The following VPS50 variants were observed in gnomAD, a reference collection of about 807,000 sequenced individuals.
VPS50 encodes VPS50 subunit of EARP/GARPII complex.
VPS50 carries 70 observed loss-of-function variants against 139.7 expected under a neutral mutation model. The observed-to-expected ratio is 0.50, with a 90% CI of 0.41 to 0.61. VPS50 has a LOEUF of 0.61. Among genes scored for constraint, VPS50 ranks in the 20% least tolerant of loss-of-function variants. VPS50 has a pLI of 0.00. For synonymous variants in VPS50, 365 were observed against 376.7 expected, an observed-to-expected ratio of 0.97 and a Z score of 0.36; for missense variants, 921 against 1,133.7, an observed-to-expected ratio of 0.81 and a Z score of 2.69.
At chr7:93,247,696 T>G (rs1202868845) in intron 2 of VPS50, among the ~76,000 whole-genome samples, 3 of 152,064 alleles carry the variant, frequency 2.0e-5, no homozygotes, top group African/African-American at 4.8e-5. Flanking sequence ...TTTTACTCAT[T>G]TTCGTTCCTG....
chr7:93,358,462 G>T lies in VPS50; in HGVS notation c.*26G>T, dbSNP rs1584505070. ...TGAACACAGCTCTCTTTCCTCAATG[G>T]CATTGATCCTCACTCAACATATATG... On this transcript the variant is annotated 3_prime_UTR_variant, in exon 28 of 28. Coordinates refer to ENST00000305866, the MANE Select transcript of VPS50 (RefSeq NM_017667.4). 1 of 1,600,770 alleles carries T rather than the reference G, an allele frequency of 6.2e-7. No individual in the cohort carries two copies. Among genetic ancestry groups the T allele is most frequent in the East Asian group, 2.2e-5 (1 of 44,720 alleles).
At position 93,359,464 on chromosome 7, in the gene VPS50, C is replaced by G. The variant is rs138716693; in HGVS notation, c.*1028C>G. ...TCTTCAGTAAGTATGTGCTGTTCCT[C>G]TAAACTTTGCCCTGAAGCCAGGGAT... On this transcript the variant is annotated 3_prime_UTR_variant, in exon 28 of 28. Coordinates refer to ENST00000305866, the MANE Select transcript of VPS50 (RefSeq NM_017667.4). 1 of 152,274 alleles carries G rather than the reference C, an allele frequency of 6.6e-6. No homozygotes were observed. Among genetic ancestry groups the G allele is most frequent in the East Asian group, 1.9e-4 (1 of 5,168 alleles). 9.4% of individuals were successfully genotyped at this position (152,274 alleles called of 1,614,324 possible). A position where few individuals can be genotyped will look rare whatever the true frequency, so the allele number is the denominator to read the frequency against.
At chr7:93,306,378 A>T (rs1375111141) in intron 18 of VPS50, among the ~76,000 whole-genome samples, 1 of 151,984 alleles carries the variant, frequency 6.6e-6, no homozygotes, top group African/African-American at 2.4e-5. Flanking sequence ...GACACCCTTT[A>T]TGGGTCACTG....
chr7:93,294,675 T>C (rs1434801836), intron 14 of VPS50, 39 bp downstream of exon 14: 7 of 1,444,044 alleles, frequency 4.8e-6, no homozygotes, highest in Non-Finnish European at 5.7e-6. Context: ...ACAGAAGCAA[T>C]AGAAATGTCA....
intron 12 of VPS50, among the ~76,000 whole-genome samples, chr7:93,284,862 T>C (rs1796437576): frequency 6.6e-6 from 1 of 152,222 alleles, no homozygotes; most frequent in African/African-American, 2.4e-5. Flanking sequence ...TATGCAGTAC[T>C]ACCTCTCTGG....
intron 2 of VPS50, among the ~76,000 whole-genome samples, chr7:93,247,979 T>C (rs1282287387): frequency 6.6e-6 from 1 of 152,058 alleles, no homozygotes; most frequent in Non-Finnish European, 1.5e-5. Context: ...CTTAGTTGAT[T>C]ACCATTGACA....
At chr7:93,342,646 G>GCCT (rs1269587304) in intron 23 of VPS50, among the ~76,000 whole-genome samples, 4 of 152,226 alleles carry the variant, frequency 2.6e-5, no homozygotes, top group Non-Finnish European at 5.9e-5. Context: ...CGGGCAGACT[G>GCCT]CCTCAAGTGG....
chr7:93,255,916 G>A (rs1795470694), intron 4 of VPS50, among the ~76,000 whole-genome samples: 1 of 152,130 alleles, frequency 6.6e-6, no homozygotes, highest in South Asian at 2.1e-4. Flanking sequence ...TGAAATGGTG[G>A]AATTAGAGCC....
chr7:93,283,189 A>T (rs115286772), intron 12 of VPS50, among the ~76,000 whole-genome samples: 2,259 of 151,650 alleles, frequency 0.015, 71 homozygotes, highest in African/African-American at 0.052. Context: ...TTAAGTGTAA[A>T]CCAGTTCACT....
intron 20 of VPS50, among the ~76,000 whole-genome samples, chr7:93,313,360 T>C (rs1797328436): frequency 6.6e-6 from 1 of 152,294 alleles, no homozygotes; most frequent in South Asian, 2.1e-4. Flanking sequence ...TGTTTATATT[T>C]TTTACCTTAC....
intron 23 of VPS50, among the ~76,000 whole-genome samples, chr7:93,342,858 T>C (rs910625052): frequency 1.3e-5 from 2 of 151,780 alleles, no homozygotes; most frequent in Non-Finnish European, 2.9e-5. Context: ...AGACCAAAAG[T>C]AGATAAAACC....
At position 93,303,443 on chromosome 7, in the gene VPS50, C is replaced by T. The variant is rs754732802; in HGVS notation, c.1362-17C>T. The T allele has an allele frequency of 7.6e-7, 1 of 1,315,468 alleles. No homozygotes were observed. Among genetic ancestry groups the T allele is most frequent in the South Asian group, 1.3e-5 (1 of 77,052 alleles). 81.5% of individuals were successfully genotyped at this position (1,315,468 alleles called of 1,614,324 possible). On this transcript the variant is annotated splice_polypyrimidine_tract_variant and intron_variant, in intron 16 of 27. Coordinates refer to ENST00000305866, the MANE Select transcript of VPS50 (RefSeq NM_017667.4). ...TTTTCTTCTCACTTTTTGGAGTGTT[C>T]ATTTTCTTTTTTTAAGAACACGGCT... is the stretch of plus-strand genomic sequence containing the variant.
At chr7:93,285,141 A>T (rs1796445467) in intron 12 of VPS50, among the ~76,000 whole-genome samples, 2 of 152,132 alleles carry the variant, frequency 1.3e-5, no homozygotes, top group East Asian at 1.9e-4. Context: ...TCATCTAAAG[A>T]TACTGATAAC....
chr7:93,241,671 A>G (rs1196925797), intron 2 of VPS50, among the ~76,000 whole-genome samples: 1 of 151,960 alleles, frequency 6.6e-6, no homozygotes. Flanking sequence ...GAGAGTGGCA[A>G]AGCTCCAGTC....
chr7:93,277,524 T>C (rs923863884), intron 12 of VPS50, among the ~76,000 whole-genome samples: 5 of 152,228 alleles, frequency 3.3e-5, no homozygotes, highest in African/African-American at 1.2e-4. Flanking sequence ...TTGTCAAACC[T>C]GCTGGTTATA....
At chr7:93,234,908 T>C (rs1396222959) in intron 1 of VPS50, among the ~76,000 whole-genome samples, 2 of 151,080 alleles carry the variant, frequency 1.3e-5, no homozygotes, top group Non-Finnish European at 2.9e-5. Context: ...CAAATGTTTA[T>C]TGAGCAATTT....
intron 23 of VPS50, among the ~76,000 whole-genome samples, chr7:93,347,078 T>C (rs1341782403): frequency 6.8e-6 from 1 of 147,574 alleles, no homozygotes; most frequent in Non-Finnish European, 1.5e-5. Context: ...CCTACTCATC[T>C]GACAAAGGGC....
In VPS50 at chr7:93,296,816, T is replaced by C. The variant is rs745608027; in HGVS notation, c.1242T>C (p.Phe414=). Residue 414 remains phenylalanine (F), a synonymous_variant, in exon 15 of 28, where the codon TTT becomes TTC. Transcript: ENST00000305866. The part of the protein sequence containing the change: ...LSIFKYDDFI[F]VLDIISRLMQ... ...TATTCAAATATGATGATTTCATCTTTGTTTTGGATATAATCAGCAGGTAGT... is the reference window on the plus strand; with the variant it reads ...TATTCAAATATGATGATTTCATCTTCGTTTTGGATATAATCAGCAGGTAGT... 56 of 1,602,862 alleles carry C rather than the reference T, an allele frequency of 3.5e-5. No individual in the cohort carries two copies. Among genetic ancestry groups the C allele is most frequent in the Admixed American group, 3.1e-4 (18 of 57,448 alleles).
chr7:93,303,563 T>G lies in VPS50; in HGVS notation c.1452+13T>G. 7.7e-7 allele frequency: 1 copy of G among 1,299,460 alleles called. No homozygotes were observed. Among genetic ancestry groups the G allele is most frequent in the Middle Eastern group, 1.9e-4 (1 of 5,346 alleles). The allele number at this position is 1,299,460 out of a possible 1,614,324, so 80.5% of individuals were successfully genotyped here. A position where few individuals can be genotyped will look rare whatever the true frequency, so the allele number is the denominator to read the frequency against. On this transcript the variant is annotated intron_variant, in intron 17 of 27. Coordinates refer to ENST00000305866, the MANE Select transcript of VPS50 (RefSeq NM_017667.4). ...CTTGCAACTTCATGTAAGTGTTTCT[T>G]AAGAACAAAGAAATCTGTCTTTTAG...
Sources: allele counts gnomAD v4.1 joint callset (sites outside exome capture counted in the v4.1 genomes callset), GRCh38; gene constraint gnomAD v4.1.1; transcripts MANE v1.5; gene names NCBI Gene and HGNC (gene_info 2026-07-23, HGNC 2026-07-21).